The following SGCZ variants were observed in gnomAD, a reference collection of about 807,000 sequenced individuals.
SGCZ encodes the protein sarcoglycan zeta, also known as zeta-sarcoglycan.
SGCZ carries 40 observed loss-of-function variants against 41.3 expected under a neutral mutation model. That is an observed-to-expected ratio of 0.97 (90% CI 0.75 to 1.26). The LOEUF is 1.26. Ranked by LOEUF, SGCZ falls within the 50% of genes most tolerant of loss-of-function variation. SGCZ has a pLI of 0.00. For synonymous variants in SGCZ, 206 were observed against 137.5 expected, an observed-to-expected ratio of 1.50 and a Z score of -3.49; for missense variants, 552 against 369.8, an observed-to-expected ratio of 1.49 and a Z score of -4.04.
intron 1 of SGCZ, among the ~76,000 whole-genome samples, chr8:15,091,447 G>A (rs1251348399): frequency 6.6e-6 from 1 of 152,180 alleles, no homozygotes; most frequent in African/African-American, 2.4e-5. Flanking sequence ...CATTCTGGAA[G>A]ACTTAATCAT....
At chr8:14,799,061 A>T (rs1175423909) in intron 1 of SGCZ, among the ~76,000 whole-genome samples, 2 of 151,940 alleles carry the variant, frequency 1.3e-5, no homozygotes, top group Non-Finnish European at 2.9e-5. Context: ...TATACAAATT[A>T]AAAAATTATT....
intron 1 of SGCZ, among the ~76,000 whole-genome samples, chr8:15,162,586 T>C (rs1260047793): frequency 6.6e-6 from 1 of 152,236 alleles, no homozygotes; most frequent in African/African-American, 2.4e-5. Context: ...ACTTATCTTA[T>C]GGCATCGGCC....
chr8:14,485,799 C>T (rs770382816), intron 2 of SGCZ, among the ~76,000 whole-genome samples: 5 of 149,594 alleles, frequency 3.3e-5, no homozygotes, highest in Middle Eastern at 3.5e-3. Flanking sequence ...CAAGGACATA[C>T]GCTGTTTAAC....
At chr8:14,781,402 T>G (rs1800582936) in intron 1 of SGCZ, among the ~76,000 whole-genome samples, 1 of 152,122 alleles carries the variant, frequency 6.6e-6, no homozygotes, top group East Asian at 1.9e-4. Context: ...GTAATTTTTG[T>G]ATTTTTAGTA....
chr8:15,164,310 G>T (rs956714442), intron 1 of SGCZ, among the ~76,000 whole-genome samples: 1 of 152,098 alleles, frequency 6.6e-6, no homozygotes. Context: ...GGGATACCAT[G>T]CCTTTTTCTT....
At chr8:14,399,615 T>C (rs1304176858) in intron 2 of SGCZ, among the ~76,000 whole-genome samples, 8 of 152,116 alleles carry the variant, frequency 5.3e-5, no homozygotes, top group Non-Finnish European at 2.9e-5. Flanking sequence ...ATTTTGCAAA[T>C]GCAAAATTGT....
chr8:14,148,978 T>A (rs1337200128), intron 5 of SGCZ, among the ~76,000 whole-genome samples: 3 of 151,962 alleles, frequency 2.0e-5, no homozygotes, highest in Admixed American at 1.3e-4. Flanking sequence ...ATTCAAAAAA[T>A]TCCACATCTC....
intron 3 of SGCZ, among the ~76,000 whole-genome samples, chr8:14,293,430 G>A (rs1800907609): frequency 6.6e-6 from 1 of 151,956 alleles, no homozygotes; most frequent in Admixed American, 6.6e-5. Context: ...CAAACTAAAT[G>A]TCTCATGTCC....
rs955014568 is a variant in SGCZ, at chr8:14,155,183, A to G, written c.547+9397T>C. Reference sequence around the variant, plus strand: ...TCCAGTTTCCTTCAACAGTTTCTCAATTTTTCCTTGATTCCTGACCTTAAT... The same window carrying G: ...TCCAGTTTCCTTCAACAGTTTCTCAGTTTTTCCTTGATTCCTGACCTTAAT... On this transcript the variant is annotated intron_variant, in intron 5 of 7. Transcript: ENST00000382080. 3.3e-5 allele frequency among the ~76,000 whole-genome samples: 5 copies of G among 152,204 alleles called. No homozygotes were observed. The East Asian group carries it at 7.7e-4, about 24-fold the overall frequency.
At chr8:15,097,824 A>G (rs149182320) in intron 1 of SGCZ, among the ~76,000 whole-genome samples, 1,444 of 78,396 alleles carry the variant, frequency 0.018, 62 homozygotes, top group East Asian at 0.12. Flanking sequence ...ACGTGTGTGT[A>G]TATATATATA....
chr8:14,404,992 G>C (rs973298), intron 2 of SGCZ, among the ~76,000 whole-genome samples: 31,817 of 152,086 alleles, frequency 0.21, 5,429 homozygotes, highest in African/African-American at 0.46. Context: ...CCTGTCCTTC[G>C]TGATTGCACA....
chr8:14,787,404 G>A (rs1346812480), intron 1 of SGCZ, among the ~76,000 whole-genome samples: 1 of 151,218 alleles, frequency 6.6e-6, no homozygotes, highest in Non-Finnish European at 1.5e-5. Context: ...ATATACTTAT[G>A]GTATATTATT....
At chr8:14,790,812 C>T (rs1800925840) in intron 1 of SGCZ, among the ~76,000 whole-genome samples, 2 of 152,056 alleles carry the variant, frequency 1.3e-5, no homozygotes, top group Non-Finnish European at 1.5e-5. Context: ...GGGTGGATTA[C>T]CTGAGGTCAG....
At chr8:14,574,992 G>C (rs1354250438) in intron 1 of SGCZ, among the ~76,000 whole-genome samples, 1 of 152,048 alleles carries the variant, frequency 6.6e-6, no homozygotes, top group Non-Finnish European at 1.5e-5. Context: ...AAAGAGGATG[G>C]TTTGTGATTA....
intron 1 of SGCZ, among the ~76,000 whole-genome samples, chr8:15,104,586 C>A (rs1414640926): frequency 6.6e-6 from 1 of 152,176 alleles, no homozygotes; most frequent in Non-Finnish European, 1.5e-5. Flanking sequence ...TGTGTGTGTT[C>A]TTCCAAAAAT....
intron 1 of SGCZ, among the ~76,000 whole-genome samples, chr8:14,823,075 A>AAAAAAAAAAAAAAAAAC (rs1802169414): frequency 6.6e-6 from 1 of 150,712 alleles, no homozygotes; most frequent in Admixed American, 6.6e-5. Context: ...AAAAAAAAAA[A>AAAAAAAAAAAAAAAAAC]AAGACTTCTG....
intron 3 of SGCZ, among the ~76,000 whole-genome samples, chr8:14,259,351 T>C (rs1294545994): frequency 6.6e-6 from 1 of 151,888 alleles, no homozygotes; most frequent in Non-Finnish European, 1.5e-5. Flanking sequence ...TTTGTTGCCA[T>C]TGCTTTTGGT....
chr8:15,233,401 A>C (rs1802020932), intron 1 of SGCZ, among the ~76,000 whole-genome samples: 1 of 151,726 alleles, frequency 6.6e-6, no homozygotes, highest in African/African-American at 2.4e-5. Context: ...TTTGATTTAA[A>C]TTGTAGATGA....
intron 1 of SGCZ, among the ~76,000 whole-genome samples, chr8:14,610,733 A>G (rs1476315845): frequency 6.6e-6 from 1 of 152,204 alleles, no homozygotes; most frequent in Non-Finnish European, 1.5e-5. Flanking sequence ...GTTGTAAGAC[A>G]TAACACACAG....
Sources: gnomAD v4.1 joint callset for allele counts (sites outside exome capture counted in the v4.1 genomes callset) on GRCh38, gnomAD v4.1.1 for gene constraint, MANE v1.5 for transcripts, NCBI Gene and HGNC (gene_info 2026-07-23, HGNC 2026-07-21) for gene names.